The following PLAC8L1 variants were observed in gnomAD, a reference collection of about 807,000 sequenced individuals.
PLAC8L1 encodes PLAC8-like protein 1.
In PLAC8L1, 13 loss-of-function variants were observed where a neutral mutation model predicts 16.3. The observed-to-expected ratio is 0.80, with a 90% confidence interval of 0.52 to 1.27. The LOEUF (loss-of-function observed/expected upper bound fraction) is 1.27, where lower values mean the gene tolerates loss of function less well. Among genes scored for constraint, PLAC8L1 ranks in the 50% most tolerant of loss-of-function variants. PLAC8L1 has a pLI of 0.00. For synonymous variants in PLAC8L1, 78 were observed against 79.3 expected (o/e 0.98, Z 0.09); for missense variants, 184 against 220.2 (o/e 0.84, Z 1.04).
intron 1 of PLAC8L1, chr5:146,103,617 G>A: frequency 2.1e-6 from 2 of 953,890 alleles, no homozygotes; most frequent in Non-Finnish European, 2.5e-6. Context: ...CCCTCAGAAG[G>A]TGAGGGAGGC....
intron 3 of PLAC8L1, among the ~76,000 whole-genome samples, chr5:146,084,791 T>C (rs1340355195): frequency 6.6e-6 from 1 of 152,256 alleles, no homozygotes; most frequent in African/African-American, 2.4e-5. Flanking sequence ...GGACCTCTGA[T>C]ATGGGCCTTT....
Position 146,101,280 on chromosome 5 carries a change from G to A in PLAC8L1, c.119+2913C>T, listed in dbSNP as rs150324745. Among the ~76,000 whole-genome samples the A allele has an allele frequency of 3.2e-3, 483 of 151,538 alleles. 4 individuals are homozygous for A. The highest frequency in any genetic ancestry group is 0.011 in the African/African-American group (448 of 41,192). ...ACATGCACGTACAGAGAAAGGCCAC[G>A]TGAGCACACTGCAAACCAGGAAGAA... On this transcript the variant is annotated intron_variant, in intron 1 of 3. Transcript: ENST00000311450.
At chr5:146,086,240 G>A (rs912780895) in intron 2 of PLAC8L1, among the ~76,000 whole-genome samples, 11 of 151,286 alleles carry the variant, frequency 7.3e-5, no homozygotes, top group Non-Finnish European at 1.5e-4. Flanking sequence ...CGTTTTAGCC[G>A]GGATGGTCTC....
Position 146,104,213 on chromosome 5 carries a change from TTCA to T in PLAC8L1, c.96_98del (p.Asp32del). The T allele has an allele frequency of 3.7e-6, 6 of 1,613,784 alleles. No homozygotes were observed. The highest frequency in any genetic ancestry group is 5.1e-6 in the Non-Finnish European group (6 of 1,179,798). ...CCTACCTCAAGTTGGAAATAAAATG[TTCA>T]TCTTCAGATGACATGTGTGACAACA... is the stretch of plus-strand genomic sequence containing the variant. On this transcript the variant is annotated inframe_deletion, in exon 1 of 4. Coordinates refer to ENST00000311450, the MANE Select transcript of PLAC8L1 (RefSeq NM_001029869.3).
intron 3 of PLAC8L1, among the ~76,000 whole-genome samples, chr5:146,085,192 C>T (rs957918711): frequency 2.6e-5 from 4 of 151,992 alleles, no homozygotes; most frequent in East Asian, 3.9e-4. Context: ...CCAAGGTGGG[C>T]GGATCACTTG....
chr5:146,088,416 C>A, intron 2 of PLAC8L1, among the ~76,000 whole-genome samples: 1 of 152,190 alleles, frequency 6.6e-6, no homozygotes. Flanking sequence ...TGAAGAACTT[C>A]CTGACAATGG....
In PLAC8L1 at chr5:146,095,239, C is replaced by G. The variant is rs572606863; in HGVS notation, c.256+2917G>C. On this transcript the variant is annotated intron_variant, in intron 2 of 3. Transcript: ENST00000311450. ...CACAACATTCGAGATCACCTTGAAC[C>G]CTATCCATGGCCTTTCATTCAGAAT... Among the ~76,000 whole-genome samples the G allele has an allele frequency of 1.1e-4, 16 of 152,204 alleles. 1 individual carries two copies. The South Asian group carries it at 3.3e-3, about 32-fold the overall frequency.
At position 146,104,356 on chromosome 5, in the gene PLAC8L1, T is replaced by C. The variant is rs768970612; in HGVS notation, c.-45A>G. On this transcript the variant is annotated 5_prime_UTR_variant, in exon 1 of 4. Coordinates refer to ENST00000311450, the MANE Select transcript of PLAC8L1 (RefSeq NM_001029869.3). ...TCCTTTGGGCTATCCTTTTTCCCTT[T>C]GGCAATAAGCTGGTTTCTAAACTTC... The C allele has an allele frequency of 2.0e-6, 3 of 1,463,512 alleles. No individual in the cohort carries two copies. The highest frequency in any genetic ancestry group is 2.9e-6 in the Non-Finnish European group (3 of 1,044,548). The allele number at this position is 1,463,512 out of a possible 1,614,324, so 90.7% of individuals were successfully genotyped here.
Position 146,098,252 on chromosome 5 carries a change from G to A in PLAC8L1, c.160C>T (p.Arg54Trp), listed in dbSNP as rs200076438. 4.6e-5 allele frequency: 74 copies of A among 1,613,976 alleles called. No individual in the cohort carries two copies. Among genetic ancestry groups the A allele is most frequent in the African/African-American group, 1.9e-4 (14 of 74,912 alleles). The part of the protein sequence containing the change: ...PASAVVKQPV[R>W]GASGRTTITA... Reference sequence around the variant, plus strand: ...ATTGTCGTCCTGCCACTGGCTCCCCGAACAGGCTGCTTCACCACAGCGCTG... The same window carrying A: ...ATTGTCGTCCTGCCACTGGCTCCCCAAACAGGCTGCTTCACCACAGCGCTG... The change falls in exon 2 of 4, where the codon CGG (arginine) becomes TGG (tryptophan). Residue 54 changes from arginine (R) to tryptophan (W), a missense_variant. Coordinates refer to ENST00000311450, the MANE Select transcript of PLAC8L1 (RefSeq NM_001029869.3).
At chr5:146,090,560 A>T (rs140807632) in intron 2 of PLAC8L1, among the ~76,000 whole-genome samples, 4,251 of 148,268 alleles carry the variant, frequency 0.029, 204 homozygotes, top group African/African-American at 0.11. Flanking sequence ...AAAACAAAAC[A>T]AAACAAAACA....
chr5:146,093,018 TAC>T (rs200700074), intron 2 of PLAC8L1, among the ~76,000 whole-genome samples: 2 of 151,428 alleles, frequency 1.3e-5, no homozygotes, highest in South Asian at 2.1e-4. Context: ...GTATAAATTA[TAC>T]ACACACACAC....
In PLAC8L1 at chr5:146,087,402, G is replaced by T. The variant is rs140563856; in HGVS notation, c.257-1805C>A. Among the ~76,000 whole-genome samples, 54 of 152,314 alleles carry T rather than the reference G, an allele frequency of 3.5e-4. No homozygotes were observed. The East Asian group carries it at 9.1e-3, about 26-fold the overall frequency. ...GGATACCTGGAAGGGGAATTGCTAG[G>T]TTATGGGGTAGATATACGTTTAACT... is the stretch of plus-strand genomic sequence containing the variant. On this transcript the variant is annotated intron_variant, in intron 2 of 3. Transcript: ENST00000311450.
chr5:146,100,992 G>A (rs1286127376), intron 1 of PLAC8L1, among the ~76,000 whole-genome samples: 1 of 152,088 alleles, frequency 6.6e-6, no homozygotes, highest in East Asian at 1.9e-4. Context: ...TTGAGCTCAG[G>A]AGCTCGAGAC....
intron 1 of PLAC8L1, among the ~76,000 whole-genome samples, chr5:146,103,434 C>T (rs1261187970): frequency 6.6e-6 from 1 of 151,994 alleles, no homozygotes; most frequent in Non-Finnish European, 1.5e-5. Context: ...GCTAAGATTA[C>T]AGGTATGAGC....
At chr5:146,085,125 A>T (rs1763487575) in intron 3 of PLAC8L1, among the ~76,000 whole-genome samples, 1 of 151,986 alleles carries the variant, frequency 6.6e-6, no homozygotes. Flanking sequence ...ACTTAAAAAT[A>T]CATCAGTCTG....
intron 1 of PLAC8L1, among the ~76,000 whole-genome samples, chr5:146,101,196 CAA>C (rs35143616): frequency 7.3e-5 from 6 of 82,166 alleles, no homozygotes; most frequent in African/African-American, 1.1e-4. Context: ...GACCCTGTCT[CAA>C]AAAAAAAAAA....
At chr5:146,088,483 A>G (rs1181113094) in intron 2 of PLAC8L1, among the ~76,000 whole-genome samples, 1 of 152,174 alleles carries the variant, frequency 6.6e-6, no homozygotes, top group Non-Finnish European at 1.5e-5. Flanking sequence ...TCCCACTCCC[A>G]AATTCAGTGA....
chr5:146,085,716 C>G, intron 2 of PLAC8L1, 119 bp from the exon 3 acceptor site: 1 of 1,109,460 alleles, frequency 9.0e-7, no homozygotes, highest in Admixed American at 3.0e-5. Context: ...TCCCTGCTAT[C>G]AGACTGAGAA....
intron 2 of PLAC8L1, among the ~76,000 whole-genome samples, chr5:146,095,297 C>T (rs1210713143): frequency 2.0e-5 from 3 of 152,100 alleles, no homozygotes; most frequent in African/African-American, 7.2e-5. Context: ...TGTATTTCTC[C>T]CCATATCCTT....
Sources: allele counts gnomAD v4.1 joint callset (sites outside exome capture counted in the v4.1 genomes callset), GRCh38; gene constraint gnomAD v4.1.1; transcripts MANE v1.5; gene names NCBI Gene and HGNC (gene_info 2026-07-23, HGNC 2026-07-21).